ACOXL: variants seen among roughly 807,000 people sequenced by gnomAD.
The protein encoded by ACOXL is acyl-CoA oxidase like, also known as acyl-coenzyme A oxidase-like protein.
Under a neutral mutation model 71.9 loss-of-function variants are expected in ACOXL, and 70 were observed. The ratio of observed to expected loss-of-function variants is 0.97; its 90% CI spans 0.80 to 1.19. The LOEUF (loss-of-function observed/expected upper bound fraction) is 1.19, where lower values mean the gene tolerates loss of function less well. Ranked by LOEUF, ACOXL falls within the 50% of genes most tolerant of loss-of-function variation. The probability of loss-of-function intolerance (pLI) is 0.00; values close to 1 mark genes in which losing one functional copy is unlikely to be tolerated. For synonymous variants in ACOXL, 253 were observed against 281.6 expected, an observed-to-expected ratio of 0.90 and a Z score of 1.02; for missense variants, 703 against 736.3, an observed-to-expected ratio of 0.95 and a Z score of 0.52.
chr2:111,017,311 A>G (rs1039388435), intron 14 of ACOXL, among the ~76,000 whole-genome samples: 9 of 152,218 alleles, frequency 5.9e-5, no homozygotes, highest in Non-Finnish European at 1.2e-4. Context: ...TGCCATAGCG[A>G]GGAACTGTTC....
chr2:110,789,897 G>T (rs1376929157), intron 3 of ACOXL, among the ~76,000 whole-genome samples: 1 of 152,246 alleles, frequency 6.6e-6, no homozygotes, highest in Non-Finnish European at 1.5e-5. Flanking sequence ...TTGCAGCCGG[G>T]GAGCCGGCAG....
intron 10 of ACOXL, among the ~76,000 whole-genome samples, chr2:110,857,976 T>C (rs1018976032): frequency 3.3e-5 from 5 of 152,146 alleles, no homozygotes; most frequent in African/African-American, 1.2e-4. Context: ...TCCACCCACC[T>C]CGGCCTCCCA....
chr2:110,810,577 CCATCATTCATCATCCATG>C (rs1467065158), intron 9 of ACOXL, among the ~76,000 whole-genome samples: 3 of 152,184 alleles, frequency 2.0e-5, no homozygotes, highest in African/African-American at 7.2e-5. Context: ...GTTCATCCAT[CCATCATTCATCATCCATG>C]CATCATTCAT....
intron 16 of ACOXL, among the ~76,000 whole-genome samples, chr2:111,056,199 T>TA (rs1388822244): frequency 3.3e-5 from 3 of 90,348 alleles, no homozygotes; most frequent in African/African-American, 1.0e-4. Flanking sequence ...GACCCCAACT[T>TA]TAAAAAAAAA....
At chr2:110,770,869 C>A (rs943595167) in intron 2 of ACOXL, among the ~76,000 whole-genome samples, 1 of 152,200 alleles carries the variant, frequency 6.6e-6, no homozygotes, top group East Asian at 1.9e-4. Flanking sequence ...GAGAGCTGAT[C>A]CCTTAATGAG....
At chr2:111,093,243 A>C (rs1233231024) in intron 17 of ACOXL, among the ~76,000 whole-genome samples, 3 of 151,870 alleles carry the variant, frequency 2.0e-5, no homozygotes, top group Non-Finnish European at 4.4e-5. Flanking sequence ...AAAAAAAAAA[A>C]AGTGTTAGTG....
chr2:110,850,117 T>C (rs1016750570), intron 10 of ACOXL, among the ~76,000 whole-genome samples: 1 of 152,140 alleles, frequency 6.6e-6, no homozygotes, highest in Non-Finnish European at 1.5e-5. Flanking sequence ...GCAACAAAGA[T>C]GGATCATGAA....
At chr2:110,822,506 A>G (rs1688734381) in intron 9 of ACOXL, among the ~76,000 whole-genome samples, 1 of 152,164 alleles carries the variant, frequency 6.6e-6, no homozygotes, top group African/African-American at 2.4e-5. Flanking sequence ...CAGTTAGTTC[A>G]CTTTGCCTTT....
intron 9 of ACOXL, among the ~76,000 whole-genome samples, chr2:110,819,319 G>A (rs1209451365): frequency 1.3e-5 from 2 of 152,162 alleles, no homozygotes; most frequent in African/African-American, 4.8e-5. Flanking sequence ...GAAGCAATGA[G>A]ATTTACTCAT....
chr2:110,963,430 T>C (rs2061780667), intron 12 of ACOXL, among the ~76,000 whole-genome samples: 1 of 152,246 alleles, frequency 6.6e-6, no homozygotes, highest in Non-Finnish European at 1.5e-5. Flanking sequence ...AAAGCTAATG[T>C]AAGGAATCAA....
chr2:110,852,744 T>C (rs1027075243), intron 10 of ACOXL, among the ~76,000 whole-genome samples: 1 of 152,182 alleles, frequency 6.6e-6, no homozygotes, highest in Non-Finnish European at 1.5e-5. Context: ...AGCTTTTTTT[T>C]CTTTTTCCTG....
intron 16 of ACOXL, among the ~76,000 whole-genome samples, chr2:111,049,532 C>T (rs924310604): frequency 6.6e-6 from 1 of 152,140 alleles, no homozygotes; most frequent in African/African-American, 2.4e-5. Context: ...TTTAACTCTC[C>T]AGAGGGCTCA....
intron 14 of ACOXL, among the ~76,000 whole-genome samples, chr2:111,012,951 A>G (rs2064235685): frequency 1.3e-5 from 2 of 152,228 alleles, no homozygotes; most frequent in Admixed American, 1.3e-4. Context: ...AAGATGAGAG[A>G]TAATGAAATA....
intron 12 of ACOXL, among the ~76,000 whole-genome samples, chr2:110,960,035 T>C (rs1369516725): frequency 6.6e-6 from 1 of 152,028 alleles, no homozygotes; most frequent in Admixed American, 6.6e-5. Context: ...AAAGCAAAGG[T>C]GGTGGGTGAG....
At chr2:110,900,765 G>T (rs551791873) in intron 10 of ACOXL, among the ~76,000 whole-genome samples, 1 of 152,308 alleles carries the variant, frequency 6.6e-6, no homozygotes, top group African/African-American at 2.4e-5. Flanking sequence ...TAGCGTGATG[G>T]GTTAGACCCA....
At chr2:111,007,094 C>G (rs2063912599) in intron 14 of ACOXL, among the ~76,000 whole-genome samples, 1 of 152,136 alleles carries the variant, frequency 6.6e-6, no homozygotes, top group Non-Finnish European at 1.5e-5. Flanking sequence ...AGTACAGTCA[C>G]TCCCATGGGA....
intron 9 of ACOXL, among the ~76,000 whole-genome samples, chr2:110,825,260 G>A (rs1689037024): frequency 6.6e-6 from 1 of 152,120 alleles, no homozygotes; most frequent in South Asian, 2.1e-4. Flanking sequence ...TTTTTTCACA[G>A]AGTTTTAGCC....
At chr2:110,866,112 G>A (rs564781504) in intron 10 of ACOXL, among the ~76,000 whole-genome samples, 88 of 152,328 alleles carry the variant, frequency 5.8e-4, no homozygotes, top group African/African-American at 1.9e-3. Flanking sequence ...CTGCTGGAGC[G>A]TCCAGGCCTG....
At chr2:110,934,345 T>C (rs2060586563) in intron 12 of ACOXL, among the ~76,000 whole-genome samples, 1 of 152,182 alleles carries the variant, frequency 6.6e-6, no homozygotes, top group African/African-American at 2.4e-5. Context: ...CAGGATCAGC[T>C]GTGCACTTCA....
Sources: allele counts gnomAD v4.1 joint callset (sites outside exome capture counted in the v4.1 genomes callset), GRCh38; gene constraint gnomAD v4.1.1; transcripts MANE v1.5; gene names NCBI Gene and HGNC (gene_info 2026-07-23, HGNC 2026-07-21).